Variants in PIGU observed in about 807,000 individuals in gnomAD.
The protein encoded by PIGU is phosphatidylinositol glycan anchor biosynthesis class U.
In PIGU, 24 loss-of-function variants were observed where a neutral mutation model predicts 49.9. The ratio of observed to expected loss-of-function variants is 0.48; its 90% confidence interval spans 0.35 to 0.68. PIGU has a LOEUF of 0.68. Ranked by LOEUF, PIGU falls within the 30% of genes least tolerant of loss-of-function variation. The pLI, the probability that PIGU is intolerant of heterozygous loss-of-function variation, is 0.01. For synonymous variants in PIGU, 220 were observed against 205.7 expected, an observed-to-expected ratio of 1.07 and a Z score of -0.59; for missense variants, 490 against 532.6, an observed-to-expected ratio of 0.92 and a Z score of 0.79.
At chr20:34,605,692 A>C (rs1199608335) in intron 7 of PIGU, among the ~76,000 whole-genome samples, 1 of 152,222 alleles carries the variant, frequency 6.6e-6, no homozygotes, top group East Asian at 1.9e-4. Context: ...AAGACATCAG[A>C]GCCTGTACTC....
At chr20:34,607,349 C>A (rs1984654801) in intron 7 of PIGU, among the ~76,000 whole-genome samples, 2 of 152,290 alleles carry the variant, frequency 1.3e-5, no homozygotes, top group South Asian at 4.1e-4. Context: ...CTCATAAAAA[C>A]CCCAGGCTCC....
chr20:34,590,978 A>G (rs6088532), intron 7 of PIGU, among the ~76,000 whole-genome samples: 55,952 of 151,414 alleles, frequency 0.37, 10,702 homozygotes, highest in Admixed American at 0.54. Context: ...CCGAGATTGC[A>G]CCACTGCACT....
At chr20:34,631,558 CTT>C (rs1190943273) in intron 6 of PIGU, among the ~76,000 whole-genome samples, 15 of 136,378 alleles carry the variant, frequency 1.1e-4, no homozygotes, top group East Asian at 2.1e-4. Context: ...TTTTCTTCTC[CTT>C]TTTTTTTTTT....
chr20:34,625,640 T>C (rs1305206958), intron 6 of PIGU, among the ~76,000 whole-genome samples: 2 of 144,398 alleles, frequency 1.4e-5, no homozygotes, highest in Admixed American at 1.4e-4. Context: ...ATATGGTCTT[T>C]ACAAAAAACC....
chr20:34,634,509 T>C (rs1985894793), intron 6 of PIGU, 106 bp downstream of exon 6: 8 of 1,387,970 alleles, frequency 5.8e-6, no homozygotes, highest in South Asian at 3.5e-5. Context: ...AAAAATGTTT[T>C]TAAGTGTTGC....
At chr20:34,628,765 C>A (rs1985589261) in intron 6 of PIGU, among the ~76,000 whole-genome samples, 1 of 152,118 alleles carries the variant, frequency 6.6e-6, no homozygotes, top group African/African-American at 2.4e-5. Context: ...GCACAAGAAT[C>A]ACTTGAACCC....
In PIGU at chr20:34,608,472, T is replaced by C. The variant is rs148868765; in HGVS notation, c.627+7570A>G. On this transcript the variant is annotated intron_variant, in intron 7 of 11. Coordinates refer to ENST00000217446, the MANE Select transcript of PIGU (RefSeq NM_080476.5). ...TTGGGTGGTATGAGCCCCTTTCAGC[T>C]GGTACCAGTGTTTTTCTGACTTAGT... 4.3e-4 allele frequency among the ~76,000 whole-genome samples: 65 copies of C among 152,334 alleles called. No homozygotes were observed. The East Asian group carries it at 0.012, about 29-fold the overall frequency.
intron 1 of PIGU, among the ~76,000 whole-genome samples, chr20:34,674,213 G>A (rs1568671191): frequency 6.6e-6 from 1 of 151,746 alleles, no homozygotes; most frequent in Non-Finnish European, 1.5e-5. Flanking sequence ...AAATTAGCTG[G>A]GCATGGTGGC....
chr20:34,671,499 G>A (rs1489719240), intron 1 of PIGU, among the ~76,000 whole-genome samples: 1 of 151,986 alleles, frequency 6.6e-6, no homozygotes, highest in East Asian at 1.9e-4. Context: ...CTGACCTCAG[G>A]TGATCCACCC....
chr20:34,629,392 G>C (rs533583271), intron 6 of PIGU, among the ~76,000 whole-genome samples: 1 of 152,270 alleles, frequency 6.6e-6, no homozygotes, highest in South Asian at 2.1e-4. Flanking sequence ...GTGCATGCCT[G>C]ACTAGGCTTG....
intron 2 of PIGU, among the ~76,000 whole-genome samples, chr20:34,652,712 TC>T (rs1215508596): frequency 5.3e-5 from 8 of 152,202 alleles, no homozygotes; most frequent in African/African-American, 1.9e-4. Flanking sequence ...TCTTCTTTGA[TC>T]CATGGGTTAA....
In PIGU at chr20:34,560,994, A is replaced by C; in HGVS notation, c.1195-15T>G. On this transcript the variant is annotated splice_polypyrimidine_tract_variant and intron_variant, in intron 11 of 11. Transcript: ENST00000217446. ...ATGAGCAGGATCTGGGGGGAGAGAGAGGGTGTGAGGCGCTGCTGGGTACCT... is the reference window on the plus strand; with the variant it reads ...ATGAGCAGGATCTGGGGGGAGAGAGCGGGTGTGAGGCGCTGCTGGGTACCT... 6.4e-7 allele frequency: 1 copy of C among 1,559,806 alleles called. No individual in the cohort carries two copies.
At chr20:34,645,752 C>T (rs1986323104) in intron 2 of PIGU, among the ~76,000 whole-genome samples, 1 of 152,032 alleles carries the variant, frequency 6.6e-6, no homozygotes, top group Non-Finnish European at 1.5e-5. Flanking sequence ...AAAAAATTAG[C>T]CGGGCGTGGT....
At chr20:34,617,307 C>A (rs936085366) in intron 6 of PIGU, among the ~76,000 whole-genome samples, 1 of 152,166 alleles carries the variant, frequency 6.6e-6, no homozygotes, top group East Asian at 1.9e-4. Context: ...ACACTCAACA[C>A]CAGCCTGTGA....
intron 11 of PIGU, among the ~76,000 whole-genome samples, chr20:34,563,343 G>C (rs991945721): frequency 6.6e-6 from 1 of 152,092 alleles, no homozygotes; most frequent in Admixed American, 6.5e-5. Context: ...CGAAGCAGGC[G>C]GATCACCTGA....
In PIGU at chr20:34,606,339, C is replaced by G. The variant is rs150363379; in HGVS notation, c.627+9703G>C. On this transcript the variant is annotated intron_variant, in intron 7 of 11. Transcript: ENST00000217446. Reference sequence around the variant, plus strand: ...ATTTTCTAGTTGTCCCCCAAAACATCCTTTATAGCTGTTTTTTTCAACCCA... The same window carrying G: ...ATTTTCTAGTTGTCCCCCAAAACATGCTTTATAGCTGTTTTTTTCAACCCA... Among the ~76,000 whole-genome samples the G allele has an allele frequency of 5.3e-5, 8 of 152,028 alleles. No individual in the cohort carries two copies. The East Asian group carries it at 1.5e-3, about 29-fold the overall frequency.
chr20:34,600,582 A>G (rs1370321217), intron 7 of PIGU, among the ~76,000 whole-genome samples: 1 of 152,148 alleles, frequency 6.6e-6, no homozygotes, highest in African/African-American at 2.4e-5. Flanking sequence ...GGAGGAAGAA[A>G]AAAAAGAGGA....
rs748089105 is a variant in PIGU at position 34,570,423 on chromosome 20, A to ATTTTT, written c.1194+4676_1194+4680dup. Among the ~76,000 whole-genome samples the ATTTTT allele has an allele frequency of 8.0e-4, 120 of 149,528 alleles. 1 individual carries two copies. Among genetic ancestry groups the ATTTTT allele is most frequent in the Non-Finnish European group, 8.6e-4 (58 of 67,404 alleles). On this transcript the variant is annotated intron_variant, in intron 11 of 11. Transcript: ENST00000217446. ...ACATGAGCCACTGTTATTTATTTTT[A>ATTTTT]TTTTTTTTTGAGACACAGTCTCGCT...
rs952160775 is a variant in PIGU, at chr20:34,597,108, A to G, written c.628-8501T>C. Among the ~76,000 whole-genome samples the G allele has an allele frequency of 2.3e-4, 35 of 152,180 alleles. 1 individual carries two copies. Among genetic ancestry groups the G allele is most frequent in the Non-Finnish European group, 1.5e-5 (1 of 68,040 alleles). On this transcript the variant is annotated intron_variant, in intron 7 of 11. Transcript: ENST00000217446. ...TGGATTCTAGCAAAGCTAAACGTAC[A>G]CTTGCCCAATGTCCCAAAAATTCTG...
Sources: allele counts gnomAD v4.1 joint callset (sites outside exome capture counted in the v4.1 genomes callset), GRCh38; gene constraint gnomAD v4.1.1; transcripts MANE v1.5; gene names NCBI Gene and HGNC (gene_info 2026-07-23, HGNC 2026-07-21).